Variants in IL33 observed in about 807,000 individuals in gnomAD.
The protein encoded by IL33 is interleukin 33.
Under a neutral mutation model 27.3 loss-of-function variants are expected in IL33, and 37 were observed. The observed-to-expected ratio is 1.36, with a 90% CI of 1.04 to 1.78. IL33 has a LOEUF of 1.78. Among genes scored for constraint, IL33 ranks in the 40% most tolerant of loss-of-function variants. The pLI, the probability that IL33 is intolerant of heterozygous loss-of-function variation, is 0.00. For synonymous variants in IL33, 132 were observed against 102.9 expected, an observed-to-expected ratio of 1.28 and a Z score of -1.71; for missense variants, 406 against 311.4, an observed-to-expected ratio of 1.30 and a Z score of -2.29.
chr9:6,241,473 T>C (rs1564063425), intron 1 of IL33, among the ~76,000 whole-genome samples: 2 of 152,224 alleles, frequency 1.3e-5, no homozygotes, highest in South Asian at 2.1e-4. Flanking sequence ...CCATTGTATA[T>C]GTGCAATCCA....
chr9:6,256,190 T>C lies in IL33; in HGVS notation c.*22T>C, dbSNP rs1252524806. ...TTAGTTGATGGAAACCTGTGAGTCT[T>C]GGGTTGAGTACCCAAATGCTACCAC... On this transcript the variant is annotated 3_prime_UTR_variant, in exon 8 of 8. Transcript: ENST00000682010. 2.6e-6 allele frequency: 4 copies of C among 1,568,338 alleles called. No individual in the cohort carries two copies. Among genetic ancestry groups the C allele is most frequent in the Non-Finnish European group, 8.8e-7 (1 of 1,139,898 alleles).
intron 1 of IL33, 114 bp from the exon 2 acceptor site, chr9:6,241,570 T>C (rs1409231184): frequency 4.2e-5 from 25 of 590,716 alleles, no homozygotes; most frequent in Non-Finnish European, 6.7e-5. Flanking sequence ...TTTACTGAAA[T>C]AATTATTTCC....
rs140510406 is a variant in IL33, at chr9:6,248,839, A to T, written c.92-1635A>T. Among the ~76,000 whole-genome samples, 462 of 152,174 alleles carry T rather than the reference A, an allele frequency of 3.0e-3. 2 individuals are homozygous for T. The highest frequency in any genetic ancestry group is 0.011 in the African/African-American group (440 of 41,518). On this transcript the variant is annotated intron_variant, in intron 2 of 7. Transcript: ENST00000682010. ...AGCAATTTTCTTGCCTCAGCCTCCC[A>T]AAGTGCTGGGATTACAGGTGTGAGC...
At chr9:6,239,569 T>A (rs1357497930) in intron 1 of IL33, among the ~76,000 whole-genome samples, 1 of 152,086 alleles carries the variant, frequency 6.6e-6, no homozygotes, top group Non-Finnish European at 1.5e-5. Context: ...AACCCTTGTA[T>A]TCCACTATAG....
At chr9:6,232,851 T>A (rs1818989741) in intron 1 of IL33, among the ~76,000 whole-genome samples, 1 of 152,128 alleles carries the variant, frequency 6.6e-6, no homozygotes, top group African/African-American at 2.4e-5. Flanking sequence ...ACCCAAAAAA[T>A]CTCATTCTGA....
chr9:6,226,333 T>G (rs983116842), intron 1 of IL33, among the ~76,000 whole-genome samples: 3 of 152,124 alleles, frequency 2.0e-5, no homozygotes, highest in Non-Finnish European at 4.4e-5. Context: ...TCTTTCTATC[T>G]GCTTGAAATT....
intron 1 of IL33, among the ~76,000 whole-genome samples, chr9:6,218,703 A>G (rs1346205351): frequency 1.9e-4 from 24 of 128,052 alleles, no homozygotes; most frequent in African/African-American, 2.8e-4. Flanking sequence ...ATATATATAT[A>G]TGTTCTCCAT....
intron 1 of IL33, among the ~76,000 whole-genome samples, chr9:6,237,917 T>C (rs1819324633): frequency 6.6e-6 from 1 of 152,232 alleles, no homozygotes. Context: ...CTATTTAAAC[T>C]ATTTTATATA....
intron 1 of IL33, among the ~76,000 whole-genome samples, chr9:6,231,974 A>C (rs575292167): frequency 2.0e-4 from 31 of 152,244 alleles, no homozygotes; most frequent in Admixed American, 7.2e-4. Context: ...TCATCACAGC[A>C]AATCAGTCTG....
intron 1 of IL33, among the ~76,000 whole-genome samples, chr9:6,235,159 G>C (rs898071257): frequency 6.6e-6 from 1 of 152,070 alleles, no homozygotes; most frequent in Non-Finnish European, 1.5e-5. Context: ...TCCCACCTCA[G>C]TCTCCCAAGT....
chr9:6,220,487 A>C (rs1818361606), intron 1 of IL33, among the ~76,000 whole-genome samples: 2 of 152,224 alleles, frequency 1.3e-5, no homozygotes, highest in South Asian at 4.1e-4. Flanking sequence ...ATTGTTTAAG[A>C]AATGCTATTT....
At chr9:6,251,295 G>A in intron 4 of IL33, 30 bp downstream of exon 4, 1 of 1,610,364 alleles carries the variant, frequency 6.2e-7, no homozygotes, top group Non-Finnish European at 8.5e-7. Flanking sequence ...TGATGTGGGA[G>A]TGAGGAGGGA....
At position 6,253,567 on chromosome 9, in the gene IL33, G is replaced by A. The variant is rs756729075; in HGVS notation, c.485G>A (p.Ser162Asn). ...KDEKKDKVLL[S>N]YYESQHPSNE... ...TCTCTTTCAGATAAGGTGTTACTGAGTTACTATGAGTCTCAACACCCCTCA... is the reference window on the plus strand; with the variant it reads ...TCTCTTTCAGATAAGGTGTTACTGAATTACTATGAGTCTCAACACCCCTCA... Residue 162 changes from serine (S) to asparagine (N), a missense_variant, in exon 6 of 8, where the codon AGT becomes AAT. Ser to Asn is a conservative substitution (Grantham distance 46, BLOSUM62 1). Coordinates refer to ENST00000682010, the MANE Select transcript of IL33 (RefSeq NM_033439.4). The A allele has an allele frequency of 3.1e-6, 5 of 1,608,808 alleles. No homozygotes were observed. In the East Asian group the frequency reaches 8.9e-5, roughly 29 times the overall value.
chr9:6,253,379 AT>A (rs1816524494), intron 5 of IL33, among the ~76,000 whole-genome samples, 172 bp from the exon 6 acceptor site: 1 of 152,246 alleles, frequency 6.6e-6, no homozygotes, highest in Admixed American at 6.5e-5. Context: ...ATATTGGAGA[AT>A]TCATCAGAGC....
At position 6,238,056 on chromosome 9, in the gene IL33, G is replaced by T. The variant is rs188483005; in HGVS notation, c.-11-3628G>T. 5.9e-5 allele frequency among the ~76,000 whole-genome samples: 9 copies of T among 152,256 alleles called. No homozygotes were observed. The East Asian group carries it at 1.4e-3, about 23-fold the overall frequency. On this transcript the variant is annotated intron_variant, in intron 1 of 7. Transcript: ENST00000682010. ...GACAACTGCTTTGTGTATAAGAAAG[G>T]CTGAGTGTTTGGAGTTAAATTCCCA...
chr9:6,236,900 T>G (rs1037105291), intron 1 of IL33, among the ~76,000 whole-genome samples: 1 of 152,068 alleles, frequency 6.6e-6, no homozygotes. Flanking sequence ...AAAATGAAAG[T>G]GCTACAGCTA....
chr9:6,220,573 C>T (rs546254326), intron 1 of IL33, among the ~76,000 whole-genome samples: 1 of 151,926 alleles, frequency 6.6e-6, no homozygotes, highest in Non-Finnish European at 1.5e-5. Context: ...ATTATTAGAC[C>T]CAAACATGAA....
At chr9:6,237,673 C>A (rs571844815) in intron 1 of IL33, among the ~76,000 whole-genome samples, 1 of 152,332 alleles carries the variant, frequency 6.6e-6, no homozygotes, top group South Asian at 2.1e-4. Context: ...TAACATGACT[C>A]TGACTCTCCT....
chr9:6,241,129 T>C (rs1344442096), intron 1 of IL33, among the ~76,000 whole-genome samples: 1 of 152,174 alleles, frequency 6.6e-6, no homozygotes, highest in Non-Finnish European at 1.5e-5. Context: ...CCTATAACAA[T>C]GTCTTCCTCT....
Sources: allele counts gnomAD v4.1 joint callset (sites outside exome capture counted in the v4.1 genomes callset), GRCh38; gene constraint gnomAD v4.1.1; transcripts MANE v1.5; gene names NCBI Gene and HGNC (gene_info 2026-07-23, HGNC 2026-07-21).